The following ARL15 variants were observed in gnomAD, a reference collection of about 807,000 sequenced individuals.
The protein encoded by ARL15 is ADP-ribosylation factor-like protein 15.
In ARL15, 19 loss-of-function variants were observed where a neutral mutation model predicts 25.2. The observed-to-expected ratio is 0.75, with a 90% CI of 0.53 to 1.10. The LOEUF is 1.10. ARL15 is among the 50% of genes least tolerant of loss of function. The probability of loss-of-function intolerance (pLI) is 0.00; values close to 1 mark genes in which losing one functional copy is unlikely to be tolerated. For synonymous variants in ARL15, 94 were observed against 86.8 expected, an observed-to-expected ratio of 1.08 and a Z score of -0.46; for missense variants, 220 against 246.0, an observed-to-expected ratio of 0.89 and a Z score of 0.71.
chr5:54,208,599 G>A (rs1755943219), intron 1 of ARL15, among the ~76,000 whole-genome samples: 1 of 152,120 alleles, frequency 6.6e-6, no homozygotes, highest in Non-Finnish European at 1.5e-5. Flanking sequence ...GAAATAAATG[G>A]CATCATGACT....
intron 4 of ARL15, among the ~76,000 whole-genome samples, chr5:53,940,030 G>A (rs1580100375): frequency 6.7e-6 from 1 of 149,268 alleles, no homozygotes; most frequent in South Asian, 2.1e-4. Context: ...CCAGGCTGGA[G>A]TGCAGAGGCG....
At chr5:54,029,943 G>A (rs572207636) in intron 4 of ARL15, among the ~76,000 whole-genome samples, 1 of 152,104 alleles carries the variant, frequency 6.6e-6, no homozygotes, top group Non-Finnish European at 1.5e-5. Context: ...CTTGCAGTGA[G>A]CAGAGATAGC....
At chr5:53,965,112 T>C (rs1045693119) in intron 4 of ARL15, among the ~76,000 whole-genome samples, 1 of 152,248 alleles carries the variant, frequency 6.6e-6, no homozygotes, top group Non-Finnish European at 1.5e-5. Flanking sequence ...ATCTTGACTC[T>C]AGAGAGATTC....
At chr5:54,112,769 G>A (rs1160347971) in intron 4 of ARL15, among the ~76,000 whole-genome samples, 2 of 152,098 alleles carry the variant, frequency 1.3e-5, no homozygotes, top group African/African-American at 4.8e-5. Context: ...TACAGAATAG[G>A]ATCCATTAAT....
At chr5:54,095,247 A>T (rs1196638033) in intron 4 of ARL15, among the ~76,000 whole-genome samples, 2 of 152,158 alleles carry the variant, frequency 1.3e-5, no homozygotes, top group Non-Finnish European at 2.9e-5. Flanking sequence ...TCTAATGACA[A>T]GGCCGCCTTT....
At chr5:54,195,438 C>A (rs1157841382) in intron 1 of ARL15, among the ~76,000 whole-genome samples, 1 of 152,194 alleles carries the variant, frequency 6.6e-6, no homozygotes, top group Admixed American at 6.6e-5. Context: ...ATTTCACAAA[C>A]TAGAGAAGGA....
rs372339390 is a variant in ARL15 at position 54,277,254 on chromosome 5, C to G, written c.48+33178G>C. On this transcript the variant is annotated intron_variant, in intron 1 of 4. Coordinates refer to ENST00000504924, the MANE Select transcript of ARL15 (RefSeq NM_019087.3). The stretch of plus-strand genomic sequence containing the variant: ...TTTTACTGTAATCACAAAGGTAGCT[C>G]TCCCTGCCTCCCTCCCCCCGCAAAA... 1.2e-3 allele frequency among the ~76,000 whole-genome samples: 180 copies of G among 152,034 alleles called. 1 individual carries two copies. Among genetic ancestry groups the G allele is most frequent in the African/African-American group, 4.1e-3 (168 of 41,462 alleles).
intron 1 of ARL15, among the ~76,000 whole-genome samples, chr5:54,207,795 G>A (rs1439477097): frequency 6.6e-6 from 1 of 152,170 alleles, no homozygotes; most frequent in Non-Finnish European, 1.5e-5. Flanking sequence ...GGGCATGAAG[G>A]AGGGACTAAA....
At chr5:54,302,927 A>G (rs1336076506) in intron 1 of ARL15, among the ~76,000 whole-genome samples, 2 of 152,012 alleles carry the variant, frequency 1.3e-5, no homozygotes, top group Non-Finnish European at 2.9e-5. Context: ...GAGCCACAAC[A>G]TAACACAGGG....
At chr5:54,239,043 C>G (rs561965172) in intron 1 of ARL15, among the ~76,000 whole-genome samples, 6 of 152,308 alleles carry the variant, frequency 3.9e-5, no homozygotes, top group African/African-American at 1.4e-4. Context: ...AATCAAGACT[C>G]AGATGAGGTC....
intron 4 of ARL15, among the ~76,000 whole-genome samples, chr5:54,100,676 A>T (rs777300870): frequency 6.6e-6 from 1 of 152,114 alleles, no homozygotes; most frequent in African/African-American, 2.4e-5. Context: ...TAGAAGTACC[A>T]TCTTTAAGAA....
intron 4 of ARL15, among the ~76,000 whole-genome samples, chr5:54,083,764 C>G (rs1579780842): frequency 6.6e-6 from 1 of 152,176 alleles, no homozygotes; most frequent in Non-Finnish European, 1.5e-5. Context: ...TAATGTAGAA[C>G]TGTGAGTTCT....
At chr5:54,245,632 GGCTAGAGT>G (rs1419803237) in intron 1 of ARL15, among the ~76,000 whole-genome samples, 4 of 151,996 alleles carry the variant, frequency 2.6e-5, no homozygotes, top group Admixed American at 6.5e-5. Flanking sequence ...CTGCTGTCCA[GGCTAGAGT>G]GCACTGGCGC....
chr5:54,162,024 C>CACACAG (rs148833900), intron 2 of ARL15, among the ~76,000 whole-genome samples: 2,981 of 145,342 alleles, frequency 0.021, 91 homozygotes, highest in African/African-American at 0.071. Context: ...CACACACACA[C>CACACAG]AGAGAGAGAT....
chr5:54,124,168 A>G (rs1476828301), intron 3 of ARL15, among the ~76,000 whole-genome samples: 3 of 152,202 alleles, frequency 2.0e-5, no homozygotes, highest in African/African-American at 7.2e-5. Flanking sequence ...TTGGGTATCC[A>G]GTAAGGTTCC....
chr5:54,125,656 A>C lies in ARL15; in HGVS notation c.254-12246T>G, dbSNP rs148142253. Among the ~76,000 whole-genome samples, 355 of 152,324 alleles carry C rather than the reference A, an allele frequency of 2.3e-3. 2 individuals are homozygous for C. The highest frequency in any genetic ancestry group is 8.2e-3 in the African/African-American group (340 of 41,572). ...TTGGTGCACAAGTTTTTGTTTGAAC[A>C]TCTGTTTTCAATTATTTTGTATGTA... is the stretch of plus-strand genomic sequence containing the variant. On this transcript the variant is annotated intron_variant, in intron 3 of 4. Coordinates refer to ENST00000504924, the MANE Select transcript of ARL15 (RefSeq NM_019087.3).
chr5:54,275,945 G>A (rs1044702971), intron 1 of ARL15, among the ~76,000 whole-genome samples: 1 of 150,558 alleles, frequency 6.6e-6, no homozygotes, highest in African/African-American at 2.4e-5. Context: ...CGCCCACCTC[G>A]GCCTCCCAAA....
chr5:54,158,472 G>A (rs1754304264), intron 2 of ARL15, among the ~76,000 whole-genome samples: 1 of 152,158 alleles, frequency 6.6e-6, no homozygotes, highest in South Asian at 2.1e-4. Flanking sequence ...TATTCTGTAG[G>A]TCAGTGCTTG....
chr5:54,259,176 G>A (rs1249257012), intron 1 of ARL15, among the ~76,000 whole-genome samples: 1 of 151,994 alleles, frequency 6.6e-6, no homozygotes, highest in Non-Finnish European at 1.5e-5. Flanking sequence ...AACAGCCTGG[G>A]GTCAACCATG....
Sources: gnomAD v4.1 joint callset for allele counts (sites outside exome capture counted in the v4.1 genomes callset) on GRCh38, gnomAD v4.1.1 for gene constraint, MANE v1.5 for transcripts, NCBI Gene and HGNC (gene_info 2026-07-23, HGNC 2026-07-21) for gene names.